Variants in PPP4R2 observed in about 807,000 individuals in gnomAD.
PPP4R2 encodes serine/threonine-protein phosphatase 4 regulatory subunit 2.
Under a neutral mutation model 47.2 loss-of-function variants are expected in PPP4R2, and 13 were observed. The observed-to-expected ratio is 0.28, with a 90% CI of 0.18 to 0.44. The LOEUF is 0.44. PPP4R2 is among the 20% of genes least tolerant of loss of function. The pLI, the probability that PPP4R2 is intolerant of heterozygous loss-of-function variation, is 1.00. For missense variants in PPP4R2, 421 were observed against 491.2 expected (o/e 0.86, Z 1.35); for synonymous variants, 151 against 163.3 (o/e 0.92, Z 0.57).
intron 3 of PPP4R2, among the ~76,000 whole-genome samples, chr3:73,054,459 C>G (rs1702687592): frequency 6.6e-6 from 1 of 152,130 alleles, no homozygotes; most frequent in Non-Finnish European, 1.5e-5. Context: ...TGAACTTAGT[C>G]TTTGGTAACA....
chr3:73,005,148 G>C (rs1433719200), intron 2 of PPP4R2, among the ~76,000 whole-genome samples: 1 of 151,880 alleles, frequency 6.6e-6, no homozygotes, highest in African/African-American at 2.4e-5. Context: ...TCACCATATT[G>C]GCCAGGCTGG....
chr3:73,014,778 G>A, intron 2 of PPP4R2: 1 of 377,250 alleles, frequency 2.7e-6, no homozygotes, highest in Non-Finnish European at 4.7e-6. Flanking sequence ...TAAAAAAATT[G>A]CCTGTATCAT....
rs1328570000 is a variant in PPP4R2, at chr3:73,065,572, C to T, written c.1104C>T (p.Gly368=). The change falls in exon 9 of 9, where the codon GGC becomes GGT. Residue 368 remains glycine (G), a synonymous_variant. Coordinates refer to ENST00000356692, the MANE Select transcript of PPP4R2 (RefSeq NM_174907.4). ...LLHSEGSENE[G]PVSSSSSDCR... ...ATTCTGAAGGTAGTGAAAACGAAGG[C>T]CCTGTAAGTAGTAGTTCTTCTGACT... 1.2e-6 allele frequency: 2 copies of T among 1,613,426 alleles called. No individual in the cohort carries two copies. The highest frequency in any genetic ancestry group is 1.7e-5 in the Admixed American group (1 of 60,002).
chr3:73,065,397 A>G lies in PPP4R2; in HGVS notation c.929A>G (p.Glu310Gly). The part of the protein sequence containing the change: ...DEEEDEEEEE[E>G]SFMTSREMIP... ...TACAACAACATTTGCTTATTTTTAG[A>G]GTCTTTTATGACATCAAGAGAAATG... The change falls in exon 9 of 9, where the codon GAG becomes GGG. Residue 310 changes from glutamate (E) to glycine (G), a missense_variant and splice_region_variant. Coordinates refer to ENST00000356692, the MANE Select transcript of PPP4R2 (RefSeq NM_174907.4). The G allele has an allele frequency of 6.4e-7, 1 of 1,571,314 alleles. No individual in the cohort carries two copies. The highest frequency in any genetic ancestry group is 8.6e-7 in the Non-Finnish European group (1 of 1,162,398).
chr3:73,021,559 T>C (rs1433076459), intron 2 of PPP4R2, among the ~76,000 whole-genome samples: 1 of 152,116 alleles, frequency 6.6e-6, no homozygotes, highest in African/African-American at 2.4e-5. Flanking sequence ...ATGTATACCA[T>C]GTGACAGGTT....
chr3:73,024,098 C>T (rs1702013032), intron 2 of PPP4R2, among the ~76,000 whole-genome samples: 2 of 151,800 alleles, frequency 1.3e-5, no homozygotes, highest in Admixed American at 1.3e-4. Context: ...AATGAACAGC[C>T]TTTTTCAGAC....
chr3:73,013,222 A>G (rs1302777227), intron 2 of PPP4R2, among the ~76,000 whole-genome samples: 1 of 151,758 alleles, frequency 6.6e-6, no homozygotes, highest in Non-Finnish European at 1.5e-5. Flanking sequence ...CTGACAAAAT[A>G]TTAGATGGTT....
intron 4 of PPP4R2, 50 bp from the exon 5 acceptor site, chr3:73,060,971 TTA>T: frequency 7.7e-7 from 1 of 1,294,332 alleles, no homozygotes; most frequent in Non-Finnish European, 1.1e-6. Flanking sequence ...TGATGAAACT[TTA>T]TGTTGTAGTA....
intron 2 of PPP4R2, among the ~76,000 whole-genome samples, chr3:73,004,869 GTTTGTT>G (rs369628333): frequency 0.02 from 758 of 38,142 alleles, 13 homozygotes; most frequent in East Asian, 0.099. Flanking sequence ...GTGTGTGTGT[GTTTGTT>G]TGTTTGTTTG....
At chr3:73,023,109 A>G (rs1472072206) in intron 2 of PPP4R2, among the ~76,000 whole-genome samples, 1 of 152,060 alleles carries the variant, frequency 6.6e-6, no homozygotes, top group Non-Finnish European at 1.5e-5. Context: ...TTGCCTTTTT[A>G]AAATTGTTAA....
chr3:73,064,066 C>T lies in PPP4R2; in HGVS notation c.558C>T (p.Ala186=). 6.2e-7 allele frequency: 1 copy of T among 1,613,268 alleles called. No homozygotes were observed. Among genetic ancestry groups the T allele is most frequent in the Non-Finnish European group, 8.5e-7 (1 of 1,179,600 alleles). ...ATCGACCAAAGGTTTCTTTGTCAGC[C>T]CCCATGACAACAAATGGGTTGCCTG... ...PLNRPKVSLS[A]PMTTNGLPES... is the part of the protein sequence containing the mutation. Residue 186 remains alanine, a synonymous_variant, in exon 7 of 9, where the codon GCC becomes GCT. Coordinates refer to ENST00000356692, the MANE Select transcript of PPP4R2 (RefSeq NM_174907.4).
intron 2 of PPP4R2, among the ~76,000 whole-genome samples, chr3:73,005,917 T>A (rs1160552892): frequency 2.0e-5 from 3 of 151,854 alleles, no homozygotes; most frequent in African/African-American, 7.3e-5. Context: ...TGCTAAGTTT[T>A]CATATCTACA....
At chr3:73,060,736 C>G (rs990763745) in intron 4 of PPP4R2, among the ~76,000 whole-genome samples, 5 of 151,956 alleles carry the variant, frequency 3.3e-5, no homozygotes, top group African/African-American at 7.2e-5. Context: ...AGTTACTCTA[C>G]TACGTATAGT....
intron 2 of PPP4R2, among the ~76,000 whole-genome samples, chr3:73,039,203 A>G (rs1702326630): frequency 6.6e-6 from 1 of 152,172 alleles, no homozygotes; most frequent in Admixed American, 6.5e-5. Flanking sequence ...GGCTCACTGC[A>G]ACCTCGGCCT....
intron 2 of PPP4R2, among the ~76,000 whole-genome samples, chr3:73,026,659 A>C (rs971588545): frequency 6.6e-6 from 1 of 152,014 alleles, no homozygotes; most frequent in Non-Finnish European, 1.5e-5. Context: ...GTGACCCAAC[A>C]CAAATTCATA....
intron 2 of PPP4R2, among the ~76,000 whole-genome samples, chr3:73,006,950 CTG>C (rs923997563): frequency 2.0e-5 from 3 of 151,942 alleles, no homozygotes; most frequent in South Asian, 2.1e-4. Context: ...CTTTTTGAGT[CTG>C]TGGGAATACT....
chr3:73,054,341 T>C (rs1702684976), intron 3 of PPP4R2, among the ~76,000 whole-genome samples: 1 of 152,234 alleles, frequency 6.6e-6, no homozygotes, highest in African/African-American at 2.4e-5. Flanking sequence ...TATGTAAATA[T>C]TAAAGCCTGA....
intron 4 of PPP4R2, among the ~76,000 whole-genome samples, chr3:73,060,452 T>C (rs1702830321): frequency 6.6e-6 from 1 of 152,180 alleles, no homozygotes; most frequent in Non-Finnish European, 1.5e-5. Flanking sequence ...TTCTCCTCTG[T>C]AAAATGTGGT....
chr3:73,010,012 A>T (rs1701689568), intron 2 of PPP4R2, among the ~76,000 whole-genome samples: 1 of 152,168 alleles, frequency 6.6e-6, no homozygotes, highest in Non-Finnish European at 1.5e-5. Flanking sequence ...TCCCTATCGG[A>T]TACCTTGGGT....
Sources: gnomAD v4.1 joint callset for allele counts (sites outside exome capture counted in the v4.1 genomes callset) on GRCh38, gnomAD v4.1.1 for gene constraint, MANE v1.5 for transcripts, NCBI Gene and HGNC (gene_info 2026-07-23, HGNC 2026-07-21) for gene names.